PRKCB: variants seen among roughly 807,000 people sequenced by gnomAD.
PRKCB encodes protein kinase C beta.
A neutral mutation model predicts 81.5 loss-of-function variants in PRKCB; 13 were observed. The ratio of observed to expected loss-of-function variants is 0.16; its 90% confidence interval spans 0.10 to 0.25. The LOEUF is 0.25. Ranked by LOEUF, PRKCB falls within the 10% of genes least tolerant of loss-of-function variation. PRKCB has a pLI of 1.00. For synonymous variants in PRKCB, 335 were observed against 321.4 expected (o/e 1.04, Z -0.45); for missense variants, 509 against 875.7 (o/e 0.58, Z 5.29).
chr16:23,983,722 AT>A (rs879295829), intron 2 of PRKCB, among the ~76,000 whole-genome samples: 423 of 147,686 alleles, frequency 2.9e-3, no homozygotes, highest in Non-Finnish European at 4.7e-3. Context: ...ATAATAATTG[AT>A]TTTTTTTTTT....
At chr16:23,922,977 C>G (rs535231971) in intron 2 of PRKCB, among the ~76,000 whole-genome samples, 2 of 152,038 alleles carry the variant, frequency 1.3e-5, no homozygotes, top group South Asian at 2.1e-4. Flanking sequence ...TTTAGAGTTA[C>G]CTTTTTTTCC....
At chr16:23,962,279 C>T (rs780092718) in intron 2 of PRKCB, among the ~76,000 whole-genome samples, 1 of 152,148 alleles carries the variant, frequency 6.6e-6, no homozygotes, top group Non-Finnish European at 1.5e-5. Flanking sequence ...CACCTGGTTT[C>T]GCTCCCTAAC....
chr16:23,885,571 T>A (rs1963186025), intron 2 of PRKCB, among the ~76,000 whole-genome samples: 1 of 152,124 alleles, frequency 6.6e-6, no homozygotes, highest in Admixed American at 6.5e-5. Context: ...CCTCCCAAAG[T>A]GCTGGGATTA....
At chr16:24,172,157 C>T in intron 10 of PRKCB, 113 bp from the exon 11 acceptor site, 1 of 745,452 alleles carries the variant, frequency 1.3e-6, no homozygotes. Context: ...AAACAGGGAT[C>T]TGTCAGAGAG....
At position 23,973,641 on chromosome 16, in the gene PRKCB, G is replaced by A. The variant is rs550920140; in HGVS notation, c.206-14867G>A. ...GAGCATGTTAAACCTAGATTGGCAC[G>A]TCAGGACAGAAGTGATATTTAATCC... On this transcript the variant is annotated intron_variant, in intron 2 of 16. Transcript: ENST00000643927. Among the ~76,000 whole-genome samples, 21 of 152,162 alleles carry A rather than the reference G, an allele frequency of 1.4e-4. No homozygotes were observed. The South Asian group carries it at 3.1e-3, about 23-fold the overall frequency.
At chr16:24,092,757 A>T in intron 5 of PRKCB, 34 bp from the exon 6 acceptor site, 1 of 1,596,406 alleles carries the variant, frequency 6.3e-7, no homozygotes, top group Non-Finnish European at 8.6e-7. Context: ...CATGTTGGAC[A>T]GTATTAATGC....
At chr16:24,085,707 G>A (rs895880052) in intron 5 of PRKCB, among the ~76,000 whole-genome samples, 5 of 152,172 alleles carry the variant, frequency 3.3e-5, no homozygotes, top group Admixed American at 2.6e-4. Flanking sequence ...ATTTGAGTGA[G>A]ATCACCCAGT....
At chr16:24,160,106 A>G (rs1372247427) in intron 10 of PRKCB, among the ~76,000 whole-genome samples, 3 of 152,038 alleles carry the variant, frequency 2.0e-5, no homozygotes, top group Non-Finnish European at 4.4e-5. Flanking sequence ...ACTGACCCCC[A>G]GAAAGATGAA....
intron 16 of PRKCB, among the ~76,000 whole-genome samples, 187 bp from the exon 17 acceptor site, chr16:24,214,471 A>G (rs1317274290): frequency 6.6e-6 from 1 of 152,152 alleles, no homozygotes; most frequent in Non-Finnish European, 1.5e-5. Flanking sequence ...TCGTGCACCA[A>G]AGGTCATGAG....
At chr16:23,869,184 T>C in intron 2 of PRKCB, 1 of 451,302 alleles carries the variant, frequency 2.2e-6, no homozygotes, top group Non-Finnish European at 4.4e-6. Flanking sequence ...CAATCTACTC[T>C]ACATTTAAAC....
At chr16:24,212,231 G>A (rs1489926855) in intron 16 of PRKCB, among the ~76,000 whole-genome samples, 1 of 151,920 alleles carries the variant, frequency 6.6e-6, no homozygotes, top group African/African-American at 2.4e-5. Flanking sequence ...ACACTTTAAG[G>A]AGCATTTTTA....
At chr16:24,024,352 T>C (rs545055263) in intron 3 of PRKCB, among the ~76,000 whole-genome samples, 2 of 152,318 alleles carry the variant, frequency 1.3e-5, no homozygotes, top group Admixed American at 1.3e-4. Context: ...GGAGAGTTGC[T>C]GAGCAAAGAG....
intron 2 of PRKCB, among the ~76,000 whole-genome samples, chr16:23,851,682 C>T (rs1962474851): frequency 6.6e-6 from 1 of 152,166 alleles, no homozygotes. Context: ...CTAGTATGGA[C>T]ATTTTCACAA....
intron 2 of PRKCB, among the ~76,000 whole-genome samples, chr16:23,925,857 C>G (rs1427089692): frequency 1.3e-5 from 2 of 151,874 alleles, no homozygotes; most frequent in African/African-American, 4.8e-5. Flanking sequence ...TTATTCCATA[C>G]TCTGTGTCTA....
intron 9 of PRKCB, among the ~76,000 whole-genome samples, chr16:24,125,644 C>G (rs1966842210): frequency 1.3e-5 from 2 of 152,320 alleles, no homozygotes; most frequent in South Asian, 4.1e-4. Flanking sequence ...TTTCTCTCTT[C>G]CCTTTCTAAG....
chr16:24,107,526 G>A (rs1488359750), intron 7 of PRKCB, among the ~76,000 whole-genome samples: 1 of 152,144 alleles, frequency 6.6e-6, no homozygotes, highest in East Asian at 1.9e-4. Context: ...TCCATAACAG[G>A]CACCCCTCAA....
At position 24,021,083 on chromosome 16, in the gene PRKCB, CTTTCTTTT is replaced by C. The variant is rs1419276170; in HGVS notation, c.289-11045_289-11038del. 3.6e-4 allele frequency among the ~76,000 whole-genome samples: 43 copies of C among 120,940 alleles called. 1 individual carries two copies. Among genetic ancestry groups the C allele is most frequent in the African/African-American group, 1.4e-3 (41 of 30,316 alleles). 79.3% of individuals were successfully genotyped at this position (120,940 alleles called of 152,430 possible). A position where few individuals can be genotyped will look rare whatever the true frequency, so the allele number is the denominator to read the frequency against. ...CCCTCCCTCCCTCCCTTCTTTCTTT[CTTTCTTTT>C]TTTCTTTCTTTCTTTCCTTCTCTCT... On this transcript the variant is annotated intron_variant, in intron 3 of 16. Coordinates refer to ENST00000643927, the MANE Select transcript of PRKCB (RefSeq NM_002738.7).
chr16:24,038,954 C>T (rs930878035), intron 5 of PRKCB, among the ~76,000 whole-genome samples: 7 of 152,202 alleles, frequency 4.6e-5, no homozygotes, highest in Middle Eastern at 3.4e-3. Flanking sequence ...AGCCTCACCC[C>T]CAGTGTGGTG....
intron 7 of PRKCB, among the ~76,000 whole-genome samples, chr16:24,108,312 TG>T (rs1230193505): frequency 1.3e-4 from 19 of 149,196 alleles, no homozygotes; most frequent in Admixed American, 1.2e-3. Flanking sequence ...TTTAATTGAT[TG>T]ACTTTTTATT....
Sources: allele counts gnomAD v4.1 joint callset (sites outside exome capture counted in the v4.1 genomes callset), GRCh38; gene constraint gnomAD v4.1.1; transcripts MANE v1.5; gene names NCBI Gene and HGNC (gene_info 2026-07-23, HGNC 2026-07-21).